Variants in DPP10 observed in about 807,000 individuals in gnomAD.
DPP10 encodes the protein dipeptidyl peptidase like 10.
In DPP10, 33 loss-of-function variants were observed where a neutral mutation model predicts 120.9. The ratio of observed to expected loss-of-function variants is 0.27; its 90% CI spans 0.21 to 0.37. The LOEUF is 0.37. Ranked by LOEUF, DPP10 falls within the 10% of genes least tolerant of loss-of-function variation. DPP10 has a pLI of 1.00. For missense variants in DPP10, 816 were observed against 942.8 expected (o/e 0.87, Z 1.76); for synonymous variants, 337 against 326.1 (o/e 1.03, Z -0.36).
chr2:114,463,877 G>A (rs187681771), intron 1 of DPP10, among the ~76,000 whole-genome samples: 1 of 152,220 alleles, frequency 6.6e-6, no homozygotes, highest in African/African-American at 2.4e-5. Context: ...AGAATGTCGT[G>A]TGAATAAGAT....
At chr2:114,477,473 A>T (rs530520757) in intron 1 of DPP10, among the ~76,000 whole-genome samples, 1 of 151,200 alleles carries the variant, frequency 6.6e-6, no homozygotes, top group South Asian at 2.1e-4. Flanking sequence ...ACACATATAC[A>T]CATACATACA....
chr2:114,714,416 G>A (rs928454984), intron 1 of DPP10, among the ~76,000 whole-genome samples: 1 of 152,198 alleles, frequency 6.6e-6, no homozygotes, highest in African/African-American at 2.4e-5. Flanking sequence ...ACACTAGTGA[G>A]AGCTGATGAT....
intron 3 of DPP10, among the ~76,000 whole-genome samples, chr2:115,393,843 G>A (rs1020047601): frequency 3.3e-5 from 5 of 152,206 alleles, no homozygotes. Flanking sequence ...GCTAGGCCAA[G>A]TAAGGGATGG....
chr2:115,083,218 C>T (rs76768374), intron 1 of DPP10, among the ~76,000 whole-genome samples: 4,854 of 152,244 alleles, frequency 0.032, 94 homozygotes, highest in Non-Finnish European at 0.05. Flanking sequence ...CACAAACTCT[C>T]CCTGTTGGAT....
At chr2:115,605,785 C>A (rs564496769) in intron 5 of DPP10, among the ~76,000 whole-genome samples, 2 of 152,006 alleles carry the variant, frequency 1.3e-5, no homozygotes, top group African/African-American at 2.4e-5. Context: ...ATTTCTGGAG[C>A]ACCTAGTATG....
chr2:115,465,813 C>A (rs565304095), intron 3 of DPP10, among the ~76,000 whole-genome samples: 1 of 141,434 alleles, frequency 7.1e-6, no homozygotes, highest in East Asian at 2.1e-4. Context: ...CAGAGTGAGG[C>A]TTCATCTCAA....
At position 114,960,863 on chromosome 2, in the gene DPP10, C is replaced by A. The variant is rs1698562054; in HGVS notation, c.61-348376C>A. The stretch of plus-strand genomic sequence containing the variant: ...GAAAGATTCTATACATGGTAGCTGA[C>A]CAATTTGTTTTGGTGGCTATATAGC... On this transcript the variant is annotated intron_variant, in intron 1 of 25. Coordinates refer to ENST00000410059, the MANE Select transcript of DPP10 (RefSeq NM_020868.6). 2.6e-5 allele frequency among the ~76,000 whole-genome samples: 4 copies of A among 151,994 alleles called. No individual in the cohort carries two copies. In the South Asian group the frequency reaches 8.3e-4, roughly 32 times the overall value.
chr2:115,511,361 C>A (rs112752835), intron 4 of DPP10, among the ~76,000 whole-genome samples: 10,317 of 152,038 alleles, frequency 0.068, 449 homozygotes, highest in Middle Eastern at 0.13. Flanking sequence ...TGTTGATAAG[C>A]AATTTTATAG....
At chr2:114,840,004 G>A (rs1046872362) in intron 1 of DPP10, among the ~76,000 whole-genome samples, 5 of 152,076 alleles carry the variant, frequency 3.3e-5, no homozygotes, top group African/African-American at 7.2e-5. Flanking sequence ...GAGGTGGGAC[G>A]GTTCTTTCCA....
In DPP10 at chr2:115,781,002, T is replaced by C; in HGVS notation, c.1483+7T>C. 3 of 1,573,576 alleles carry C rather than the reference T, an allele frequency of 1.9e-6. No homozygotes were observed. The highest frequency in any genetic ancestry group is 1.4e-5 in the African/African-American group (1 of 73,864). On this transcript the variant is annotated splice_region_variant and intron_variant, in intron 16 of 25. Coordinates refer to ENST00000410059, the MANE Select transcript of DPP10 (RefSeq NM_020868.6). ...TTCTTATTATTCTGTGAAGGTAAGA[T>C]AATACATGAATTCTGATATAATATA...
At chr2:114,957,352 C>A (rs1205012845) in intron 1 of DPP10, among the ~76,000 whole-genome samples, 1 of 151,698 alleles carries the variant, frequency 6.6e-6, no homozygotes, top group Non-Finnish European at 1.5e-5. Context: ...TTACAAAATT[C>A]TCAACATCTC....
chr2:115,125,503 AT>A (rs2050026103), intron 1 of DPP10, among the ~76,000 whole-genome samples: 1 of 150,420 alleles, frequency 6.6e-6, no homozygotes, highest in African/African-American at 2.4e-5. Context: ...CAATTATACC[AT>A]TTTTAAAGTA....
intron 1 of DPP10, among the ~76,000 whole-genome samples, chr2:114,942,320 T>TATACATATATATATATATATATATATAC (rs869121143): frequency 1.6e-5 from 2 of 123,980 alleles, no homozygotes; most frequent in African/African-American, 3.1e-5. Flanking sequence ...TATATATATA[T>TATACATATATATATATATATATATATAC]ACACACACAT....
At chr2:115,467,051 C>G (rs1041888798) in intron 3 of DPP10, among the ~76,000 whole-genome samples, 2 of 152,136 alleles carry the variant, frequency 1.3e-5, no homozygotes, top group Non-Finnish European at 2.9e-5. Flanking sequence ...ATGTAGCACT[C>G]TCTTTTACCT....
chr2:114,541,922 T>C (rs1241458517), intron 1 of DPP10, among the ~76,000 whole-genome samples: 2 of 152,112 alleles, frequency 1.3e-5, no homozygotes, highest in African/African-American at 4.8e-5. Flanking sequence ...CATCCCTTTA[T>C]TATTTTTTGT....
intron 1 of DPP10, among the ~76,000 whole-genome samples, chr2:114,762,933 T>C (rs1680406698): frequency 6.6e-6 from 1 of 152,170 alleles, no homozygotes; most frequent in African/African-American, 2.4e-5. Flanking sequence ...AGTAAAATAG[T>C]CAATAAAATA....
intron 5 of DPP10, among the ~76,000 whole-genome samples, chr2:115,609,574 T>C (rs945972918): frequency 2.0e-5 from 3 of 151,934 alleles, no homozygotes; most frequent in Admixed American, 6.6e-5. Context: ...AATAAATAAA[T>C]ACCTCTCTTC....
intron 1 of DPP10, among the ~76,000 whole-genome samples, chr2:114,868,443 T>G (rs1690412751): frequency 6.6e-6 from 1 of 152,198 alleles, no homozygotes; most frequent in South Asian, 2.1e-4. Context: ...TTATTCCTCT[T>G]AAGAGTAATT....
At chr2:115,062,128 CTGTG>C (rs61413782) in intron 1 of DPP10, among the ~76,000 whole-genome samples, 61,160 of 143,628 alleles carry the variant, frequency 0.43, 12,804 homozygotes, top group Non-Finnish European at 0.48. Context: ...GATTACAGTT[CTGTG>C]TGTGTGTGTG....
Sources: gnomAD v4.1 joint callset for allele counts (sites outside exome capture counted in the v4.1 genomes callset) on GRCh38, gnomAD v4.1.1 for gene constraint, MANE v1.5 for transcripts, NCBI Gene and HGNC (gene_info 2026-07-23, HGNC 2026-07-21) for gene names.